The following ADCY8 variants were observed in gnomAD, a reference collection of about 807,000 sequenced individuals.
The protein encoded by ADCY8 is adenylate cyclase 8.
Under a neutral mutation model 119.7 loss-of-function variants are expected in ADCY8, and 51 were observed. That is an observed-to-expected ratio of 0.43 (90% CI 0.34 to 0.54). The LOEUF is 0.54. Ranked by LOEUF, ADCY8 falls within the 20% of genes least tolerant of loss-of-function variation. The pLI, the probability that ADCY8 is intolerant of heterozygous loss-of-function variation, is 0.03. For synonymous variants in ADCY8, 665 were observed against 651.0 expected (o/e 1.02, Z -0.33); for missense variants, 1,383 against 1,598.8 (o/e 0.87, Z 2.30).
Position 131,019,833 on chromosome 8 carries a change from C to CTG in ADCY8, c.960+19540_960+19541insCA, listed in dbSNP as rs1437940699. On this transcript the variant is annotated intron_variant, in intron 1 of 17. Transcript: ENST00000286355. Reference sequence around the variant, plus strand: ...TCTCTCTCTCTCTCTCTCTCTCTCTCTCTCTGTCTGTCTCTCTCTCTCTCT... The same window carrying CTG: ...TCTCTCTCTCTCTCTCTCTCTCTCTCTGTCTCTGTCTGTCTCTCTCTCTCTCT... 6.5e-3 allele frequency among the ~76,000 whole-genome samples: 717 copies of CTG among 110,928 alleles called. 3 individuals are homozygous for CTG. Among genetic ancestry groups the CTG allele is most frequent in the East Asian group, 0.017 (52 of 3,146 alleles). The allele number at this position is 110,928 out of a possible 152,430, so 72.8% of individuals were successfully genotyped here.
intron 1 of ADCY8, among the ~76,000 whole-genome samples, chr8:131,025,635 A>G (rs1823800127): frequency 6.6e-6 from 1 of 152,202 alleles, no homozygotes; most frequent in Non-Finnish European, 1.5e-5. Flanking sequence ...GCTAACATGA[A>G]TTCTTCCTGT....
rs1823117099 is a variant in ADCY8, at chr8:131,006,335, T to A, written c.961-15793A>T. 1.3e-5 allele frequency among the ~76,000 whole-genome samples: 2 copies of A among 152,196 alleles called. 1 individual carries two copies. Among genetic ancestry groups the A allele is most frequent in the South Asian group, 4.1e-4 (2 of 4,828 alleles). On this transcript the variant is annotated intron_variant, in intron 1 of 17. Transcript: ENST00000286355. ...TTGACAGGACGCTCCTGTGGTTGTC[T>A]GTAGGAGCCGCTGGGAGATTCAGCA...
chr8:130,898,689 C>T (rs543040916), intron 7 of ADCY8, among the ~76,000 whole-genome samples: 1 of 152,166 alleles, frequency 6.6e-6, no homozygotes, highest in Non-Finnish European at 1.5e-5. Flanking sequence ...TGAAAAGGGG[C>T]CTTGCTTCTC....
At position 130,890,387 on chromosome 8, in the gene ADCY8, G is replaced by T. The variant is rs555481414; in HGVS notation, c.1912-5626C>A. 1.8e-4 allele frequency among the ~76,000 whole-genome samples: 28 copies of T among 152,196 alleles called. No homozygotes were observed. The East Asian group carries it at 5.4e-3, about 29-fold the overall frequency. ...CTAAAAATAAAAAAATAAGAAGATT[G>T]TCCCTAGGGCAGTGTTTCTGGTCTT... On this transcript the variant is annotated intron_variant, in intron 7 of 17. Coordinates refer to ENST00000286355, the MANE Select transcript of ADCY8 (RefSeq NM_001115.3).
chr8:131,024,318 A>G (rs1823761430), intron 1 of ADCY8, among the ~76,000 whole-genome samples: 1 of 152,210 alleles, frequency 6.6e-6, no homozygotes, highest in African/African-American at 2.4e-5. Context: ...TTACTGCTGT[A>G]TATTGGTTCA....
intron 2 of ADCY8, among the ~76,000 whole-genome samples, chr8:130,971,095 T>C (rs1821909884): frequency 6.6e-6 from 1 of 152,200 alleles, no homozygotes; most frequent in Non-Finnish European, 1.5e-5. Flanking sequence ...TCTTTAGGTT[T>C]AGCACAAGTC....
At chr8:130,799,736 A>G (rs1025122788) in intron 15 of ADCY8, among the ~76,000 whole-genome samples, 1 of 152,186 alleles carries the variant, frequency 6.6e-6, no homozygotes. Context: ...CAGTTGTACC[A>G]TTTATGTGCC....
chr8:130,891,404 G>A (rs1026586137), intron 7 of ADCY8, among the ~76,000 whole-genome samples: 1 of 152,104 alleles, frequency 6.6e-6, no homozygotes, highest in Non-Finnish European at 1.5e-5. Flanking sequence ...TTTAAAAAGA[G>A]TCATTTTGTG....
intron 8 of ADCY8, among the ~76,000 whole-genome samples, chr8:130,871,412 GCTTT>G (rs1301651730): frequency 3.9e-5 from 6 of 152,082 alleles, no homozygotes; most frequent in Admixed American, 6.6e-5. Flanking sequence ...AAATCTTTAA[GCTTT>G]CTATGTCTCA....
intron 12 of ADCY8, among the ~76,000 whole-genome samples, chr8:130,823,023 C>G (rs534083392): frequency 6.6e-6 from 1 of 152,156 alleles, no homozygotes; most frequent in South Asian, 2.1e-4. Context: ...ATGAGCATGT[C>G]CTGCGTTCAG....
intron 5 of ADCY8, among the ~76,000 whole-genome samples, chr8:130,925,130 G>A (rs575947168): frequency 3.3e-5 from 5 of 152,136 alleles, no homozygotes; most frequent in South Asian, 4.2e-4. Context: ...GCTTGAATCC[G>A]GGAGGTGGGG....
intron 8 of ADCY8, among the ~76,000 whole-genome samples, chr8:130,877,423 A>T (rs1420698454): frequency 1.3e-5 from 2 of 152,182 alleles, no homozygotes; most frequent in South Asian, 4.1e-4. Flanking sequence ...GCTGTTCCTG[A>T]TGGACTTCCC....
Position 130,821,386 on chromosome 8 carries a change from G to A in ADCY8, c.2710C>T (p.Leu904=), listed in dbSNP as rs534408380. 1.2e-6 allele frequency: 2 copies of A among 1,613,520 alleles called. No homozygotes were observed. The highest frequency in any genetic ancestry group is 2.2e-5 in the East Asian group (1 of 44,870). The change falls in exon 13 of 18, where the codon CTG becomes TTG. Residue 904 remains leucine, a synonymous_variant. Coordinates refer to ENST00000286355, the MANE Select transcript of ADCY8 (RefSeq NM_001115.3). The stretch of plus-strand genomic sequence containing the variant: ...ACAGCCAGGAGGAACATGGCCATCA[G>A]TAGCAGTGATACCTCCTTGGTCCCC... ...FLGTKEVSLL[L]MAMFLLAVFY...
chr8:130,987,255 AT>A (rs1041191381), intron 2 of ADCY8, among the ~76,000 whole-genome samples: 1 of 151,650 alleles, frequency 6.6e-6, no homozygotes, highest in East Asian at 1.9e-4. Flanking sequence ...CTCAGGTAAA[AT>A]TTTTTTTCGA....
chr8:130,814,900 T>C (rs1816289145), intron 13 of ADCY8, among the ~76,000 whole-genome samples: 3 of 152,228 alleles, frequency 2.0e-5, no homozygotes, highest in Admixed American at 2.0e-4. Context: ...GAGGTGCTTC[T>C]ATCTGTTCGA....
chr8:130,857,718 C>G (rs944501340), intron 9 of ADCY8, among the ~76,000 whole-genome samples: 3 of 152,100 alleles, frequency 2.0e-5, no homozygotes, highest in South Asian at 2.1e-4. Flanking sequence ...TTTGTAGATT[C>G]ATTAAATCAT....
intron 15 of ADCY8, among the ~76,000 whole-genome samples, chr8:130,789,190 C>T (rs528840424): frequency 6.6e-6 from 1 of 152,202 alleles, no homozygotes; most frequent in South Asian, 2.1e-4. Context: ...TATAAGACAA[C>T]AAACCTGTTA....
At chr8:130,980,069 C>T (rs1485321252) in intron 2 of ADCY8, among the ~76,000 whole-genome samples, 1 of 152,168 alleles carries the variant, frequency 6.6e-6, no homozygotes, top group Non-Finnish European at 1.5e-5. Context: ...ATGTCACTCT[C>T]CTGGCTTCTT....
At chr8:130,807,246 A>T (rs1210964041) in intron 14 of ADCY8, among the ~76,000 whole-genome samples, 2 of 152,128 alleles carry the variant, frequency 1.3e-5, no homozygotes, top group Non-Finnish European at 2.9e-5. Context: ...TGCTTATACC[A>T]AGTTAAGCCA....
Sources: gnomAD v4.1 joint callset for allele counts (sites outside exome capture counted in the v4.1 genomes callset) on GRCh38, gnomAD v4.1.1 for gene constraint, MANE v1.5 for transcripts, NCBI Gene and HGNC (gene_info 2026-07-23, HGNC 2026-07-21) for gene names.